The following KDM5B variants were observed in gnomAD, a reference collection of about 807,000 sequenced individuals.
KDM5B encodes the protein lysine demethylase 5B.
A neutral mutation model predicts 193.4 loss-of-function variants in KDM5B; 144 were observed. That is an observed-to-expected ratio of 0.74 (90% CI 0.65 to 0.86). The LOEUF (loss-of-function observed/expected upper bound fraction) is 0.86, where lower values mean the gene tolerates loss of function less well. KDM5B is among the 40% of genes least tolerant of loss of function. The probability of loss-of-function intolerance (pLI) is 0.00; values close to 1 mark genes in which losing one functional copy is unlikely to be tolerated. For missense variants in KDM5B, 1,833 were observed against 1,886.9 expected (o/e 0.97, Z 0.53); for synonymous variants, 668 against 682.6 (o/e 0.98, Z 0.33).
At chr1:202,773,061 GACAATGTACCA>G in intron 4 of KDM5B, 46 bp downstream of exon 4, 1 of 1,213,226 alleles carries the variant, frequency 8.2e-7, no homozygotes, top group Non-Finnish European at 1.2e-6. Context: ...TCCCTGAAAA[GACAATGTACCA>G]ATAAGTAGTA....
intron 20 of KDM5B, among the ~76,000 whole-genome samples, chr1:202,738,647 T>A (rs557143091): frequency 1.3e-5 from 2 of 152,348 alleles, no homozygotes; most frequent in South Asian, 4.1e-4. Context: ...CAGATCGTAT[T>A]TTATTTCTAG....
rs1658406721 is a variant in KDM5B, at chr1:202,808,395, T to C, written c.-90A>G. 11 of 1,225,762 alleles carry C rather than the reference T, an allele frequency of 9.0e-6. No homozygotes were observed. The South Asian group carries it at 1.7e-4, about 19-fold the overall frequency. 75.9% of individuals were successfully genotyped at this position (1,225,762 alleles called of 1,614,324 possible). A position where few individuals can be genotyped will look rare whatever the true frequency, so the allele number is the denominator to read the frequency against. ...GGTCCGAGACCCGTGCAGACGCGGC[T>C]CGAGCAACAGCAAGTCCGAGTTGTA... On this transcript the variant is annotated 5_prime_UTR_variant, in exon 1 of 27. Coordinates refer to ENST00000367265, the MANE Select transcript of KDM5B (RefSeq NM_006618.5).
chr1:202,807,954 A>C, intron 1 of KDM5B, 148 bp downstream of exon 1: 2 of 735,246 alleles, frequency 2.7e-6, no homozygotes, highest in Non-Finnish European at 2.1e-6. Context: ...CCCCGGCCTC[A>C]ACTCCGACCT....
chr1:202,749,778 C>T (rs989682753), intron 13 of KDM5B, among the ~76,000 whole-genome samples: 1 of 151,856 alleles, frequency 6.6e-6, no homozygotes, highest in African/African-American at 2.4e-5. Context: ...TTGTGCTGAA[C>T]TGGTATGATC....
chr1:202,779,840 TAAATAAA>T (rs953156487), intron 1 of KDM5B, among the ~76,000 whole-genome samples: 6 of 123,640 alleles, frequency 4.9e-5, no homozygotes, highest in Non-Finnish European at 7.5e-5. Flanking sequence ...AATAAATAAA[TAAATAAA>T]AAATAAAGGA....
intron 19 of KDM5B, 96 bp downstream of exon 19, chr1:202,741,271 T>C (rs1655325960): frequency 2.6e-6 from 2 of 779,112 alleles, no homozygotes; most frequent in South Asian, 4.8e-5. Context: ...TAACCGCAGC[T>C]ACTGAGCACT....
chr1:202,777,083 T>G lies in KDM5B; in HGVS notation c.216A>C (p.Pro72=). 1 of 1,612,894 alleles carries G rather than the reference T, an allele frequency of 6.2e-7. No homozygotes were observed. The highest frequency in any genetic ancestry group is 2.2e-5 in the East Asian group (1 of 44,866). Residue 72 remains proline (P), a synonymous_variant, in exon 2 of 27, where the codon CCA becomes CCC. Transcript: ENST00000367265. ...GTTTATCAACATCACATGCAAATGG[T>G]GGCTGCCAATCCTAGGAGAAAGCAA... ...CKVRPPPDWQ[P]PFACDVDKLH... is the part of the protein sequence containing the mutation.
intron 20 of KDM5B, among the ~76,000 whole-genome samples, chr1:202,738,903 A>C (rs1418212730): frequency 6.6e-6 from 1 of 152,226 alleles, no homozygotes; most frequent in East Asian, 1.9e-4. Context: ...CAGGTCAATA[A>C]GTATAACATC....
intron 4 of KDM5B, chr1:202,767,491 CT>C: frequency 2.4e-6 from 2 of 829,386 alleles, no homozygotes; most frequent in South Asian, 1.5e-5. Context: ...TCACCAAGAC[CT>C]TTTTTTCACG....
chr1:202,774,491 G>T, intron 3 of KDM5B, 122 bp downstream of exon 3: 1 of 820,164 alleles, frequency 1.2e-6, no homozygotes, highest in Non-Finnish European at 2.0e-6. Context: ...ACCTCCCAAA[G>T]TGCTGAGATT....
chr1:202,802,237 C>T (rs1015538105), intron 1 of KDM5B, among the ~76,000 whole-genome samples: 3 of 152,112 alleles, frequency 2.0e-5, no homozygotes, highest in African/African-American at 7.2e-5. Flanking sequence ...ACGGGCTTTC[C>T]CTTATCCTTT....
At chr1:202,762,519 C>CT (rs557591829) in intron 7 of KDM5B, among the ~76,000 whole-genome samples, 180 bp downstream of exon 7, 170 of 152,278 alleles carry the variant, frequency 1.1e-3, no homozygotes, top group African/African-American at 3.9e-3. Flanking sequence ...CATGTATTTC[C>CT]TCATTTATTA....
rs1388682206 is a variant in KDM5B, at chr1:202,726,294, T to A, written c.*2742A>T. The A allele has an allele frequency of 6.6e-6, 1 of 152,142 alleles. No individual in the cohort carries two copies. Among genetic ancestry groups the A allele is most frequent in the Non-Finnish European group, 1.5e-5 (1 of 68,020 alleles). 9.4% of individuals were successfully genotyped at this position (152,142 alleles called of 1,614,324 possible). On this transcript the variant is annotated 3_prime_UTR_variant, in exon 27 of 27. Transcript: ENST00000367265. ...ATCTCTCCTTTAGGTTAACTTAAGA[T>A]AGAAAAATGAATCCCACCTCCTAGG... is the stretch of plus-strand genomic sequence containing the variant.
In KDM5B at chr1:202,727,277, T is replaced by G. The variant is rs533631475; in HGVS notation, c.*1759A>C. The G allele has an allele frequency of 4.6e-5, 7 of 152,360 alleles. No homozygotes were observed. Among genetic ancestry groups the G allele is most frequent in the Non-Finnish European group, 1.0e-4 (7 of 68,044 alleles). The allele number at this position is 152,360 out of a possible 1,614,324, so 9.4% of individuals were successfully genotyped here. On this transcript the variant is annotated 3_prime_UTR_variant, in exon 27 of 27. Transcript: ENST00000367265. ...GAGGGGATTCTAAGAATTTGAATAC[T>G]AACAAGGCCAAACCACGATGATTCC...
At chr1:202,750,215 G>A (rs1228982660) in intron 13 of KDM5B, among the ~76,000 whole-genome samples, 1 of 152,158 alleles carries the variant, frequency 6.6e-6, no homozygotes, top group Non-Finnish European at 1.5e-5. Context: ...TCTCATTGTG[G>A]ACTGGTAAAC....
chr1:202,773,856 G>T (rs1185392354), intron 3 of KDM5B, among the ~76,000 whole-genome samples: 1 of 151,738 alleles, frequency 6.6e-6, no homozygotes, highest in East Asian at 1.9e-4. Flanking sequence ...TCCTGCCTCA[G>T]CCTCCCGAGT....
Position 202,728,937 on chromosome 1 carries a change from G to T in KDM5B, c.*99C>A. ...TAGAAATAGCACCGTTTACAGGCTG[G>T]CTTGAGTACCAGTCCTGTAGCTTTG... On this transcript the variant is annotated 3_prime_UTR_variant, in exon 27 of 27. Coordinates refer to ENST00000367265, the MANE Select transcript of KDM5B (RefSeq NM_006618.5). 1 of 1,395,104 alleles carries T rather than the reference G, an allele frequency of 7.2e-7. No homozygotes were observed. Among genetic ancestry groups the T allele is most frequent in the Non-Finnish European group, 1.0e-6 (1 of 993,138 alleles). 86.4% of individuals were successfully genotyped at this position (1,395,104 alleles called of 1,614,324 possible). A position where few individuals can be genotyped will look rare whatever the true frequency, so the allele number is the denominator to read the frequency against.
Position 202,777,914 on chromosome 1 carries a change from C to T in KDM5B, c.205-820G>A, listed in dbSNP as rs1657029601. ...TCCTTGGCCGGGCAAGGTGGCTCAA[C>T]CTGTAATCCTAGCACTTTGGGAGGC... On this transcript the variant is annotated intron_variant, in intron 1 of 26. Coordinates refer to ENST00000367265, the MANE Select transcript of KDM5B (RefSeq NM_006618.5). 1.3e-5 allele frequency among the ~76,000 whole-genome samples: 2 copies of T among 152,046 alleles called. 1 individual carries two copies. Among genetic ancestry groups the T allele is most frequent in the Non-Finnish European group, 2.9e-5 (2 of 68,000 alleles).
At chr1:202,738,368 A>C (rs1655174545) in intron 20 of KDM5B, among the ~76,000 whole-genome samples, 1 of 152,196 alleles carries the variant, frequency 6.6e-6, no homozygotes, top group Admixed American at 6.5e-5. Flanking sequence ...CATAACTAAA[A>C]CTAATTACTA....
Sources: allele counts gnomAD v4.1 joint callset (sites outside exome capture counted in the v4.1 genomes callset), GRCh38; gene constraint gnomAD v4.1.1; transcripts MANE v1.5; gene names NCBI Gene and HGNC (gene_info 2026-07-23, HGNC 2026-07-21).